DHRS9: variants seen among roughly 807,000 people sequenced by gnomAD.
DHRS9 encodes dehydrogenase/reductase 9, also known as dehydrogenase/reductase SDR family member 9.
Under a neutral mutation model 26.6 loss-of-function variants are expected in DHRS9, and 18 were observed. The observed-to-expected ratio is 0.68, with a 90% CI of 0.47 to 1.00. DHRS9 has a LOEUF of 1.00. Ranked by LOEUF, DHRS9 falls within the 50% of genes least tolerant of loss-of-function variation. The pLI is 0.00. For missense variants in DHRS9, 425 were observed against 378.7 expected (o/e 1.12, Z -1.01); for synonymous variants, 134 against 141.1 (o/e 0.95, Z 0.36).
At chr2:169,091,224 T>TATAAA (rs56686443) in intron 3 of DHRS9, among the ~76,000 whole-genome samples, 2,830 of 121,122 alleles carry the variant, frequency 0.023, 132 homozygotes, top group East Asian at 0.036. Context: ...TGCAGCATGA[T>TATAAA]ATAAAATAAA....
rs1331112299 is a variant in DHRS9, at chr2:169,095,551, C to A, written c.744C>A (p.Asp248Glu). 6.2e-7 allele frequency: 1 copy of A among 1,613,584 alleles called. No individual in the cohort carries two copies. The highest frequency in any genetic ancestry group is 1.7e-4 in the Middle Eastern group (1 of 6,052). ...YGEGYIEKSL[D>E]KLKGNKSYVN... ...ACTTTTGTCTCTTTTTAGGTCTAGA[C>A]AAACTGAAAGGCAATAAATCCTATG... is the stretch of plus-strand genomic sequence containing the variant. The change falls in exon 5 of 5, where the codon GAC becomes GAA. Residue 248 changes from aspartate to glutamate, a missense_variant. By Grantham distance (45) the Asp-to-Glu change is conservative (BLOSUM62 2). Coordinates refer to ENST00000674881, the MANE Select transcript of DHRS9 (RefSeq NM_001376924.1).
At chr2:169,079,671 T>C (rs1368362474) in intron 1 of DHRS9, among the ~76,000 whole-genome samples, 4 of 151,342 alleles carry the variant, frequency 2.6e-5, no homozygotes, top group African/African-American at 9.7e-5. Flanking sequence ...CTGGCCAACA[T>C]GGAGAAACCC....
Position 169,083,574 on chromosome 2 carries a change from A to C in DHRS9, c.559A>C (p.Asn187His), listed in dbSNP as rs1376700530. The part of the protein sequence containing the change: ...TPSKYAVEGF[N>H]DSLRRDMKAF... ...ATCCAAATATGCAGTGGAAGGTTTC[A>C]ATGACAGCTTAAGGTAAATCAAATT... The change falls in exon 3 of 5, where the codon AAT becomes CAT. Residue 187 changes from asparagine (N) to histidine (H), a missense_variant. Transcript: ENST00000674881. 1.2e-6 allele frequency: 2 copies of C among 1,614,028 alleles called. No homozygotes were observed. Among genetic ancestry groups the C allele is most frequent in the Admixed American group, 3.3e-5 (2 of 59,996 alleles).
chr2:169,079,987 A>AG (rs1684122613), intron 1 of DHRS9, among the ~76,000 whole-genome samples: 5 of 39,108 alleles, frequency 1.3e-4, no homozygotes, highest in East Asian at 1.2e-3. Context: ...GAGAGAGAGA[A>AG]AGAAAGAAAG....
intron 1 of DHRS9, among the ~76,000 whole-genome samples, chr2:169,077,446 T>C (rs540298791): frequency 6.6e-6 from 1 of 152,334 alleles, no homozygotes; most frequent in East Asian, 1.9e-4. Context: ...GAAGTAGTAA[T>C]CAGCATTAAT....
intron 4 of DHRS9, among the ~76,000 whole-genome samples, chr2:169,095,342 C>T (rs1465174178): frequency 6.6e-6 from 1 of 152,170 alleles, no homozygotes; most frequent in Middle Eastern, 3.4e-3. Flanking sequence ...TGCTGCCAAC[C>T]CAATCTTGAG....
At chr2:169,086,374 C>A (rs1684350704) in intron 3 of DHRS9, among the ~76,000 whole-genome samples, 1 of 152,106 alleles carries the variant, frequency 6.6e-6, no homozygotes, top group Admixed American at 6.5e-5. Flanking sequence ...TGATAGGATT[C>A]TGAATTCCTT....
intron 4 of DHRS9, among the ~76,000 whole-genome samples, chr2:169,094,623 C>T (rs1684636731): frequency 6.6e-6 from 1 of 151,076 alleles, no homozygotes; most frequent in Admixed American, 6.6e-5. Context: ...ATCAAGTGAT[C>T]TTCCCACCTC....
At chr2:169,073,483 G>A (rs1264820324) in intron 1 of DHRS9, among the ~76,000 whole-genome samples, 1 of 152,190 alleles carries the variant, frequency 6.6e-6, no homozygotes, top group Non-Finnish European at 1.5e-5. Context: ...GAGAATCATA[G>A]ATTTGCTAGG....
Position 169,087,943 on chromosome 2 carries a change from C to T in DHRS9, c.573-3847C>T, listed in dbSNP as rs1202593374. On this transcript the variant is annotated intron_variant, in intron 3 of 4. Coordinates refer to ENST00000674881, the MANE Select transcript of DHRS9 (RefSeq NM_001376924.1). The stretch of plus-strand genomic sequence containing the variant: ...GAGTCTCTCCAAGAGCTGTGGGCTG[C>T]GCGGTCTGGGGCTGGGGGAGGGGTA... 4.6e-5 allele frequency among the ~76,000 whole-genome samples: 7 copies of T among 152,196 alleles called. No homozygotes were observed. The South Asian group carries it at 6.2e-4, about 14-fold the overall frequency.
At chr2:169,081,332 G>A (rs1684174328) in intron 1 of DHRS9, among the ~76,000 whole-genome samples, 191 bp from the exon 2 acceptor site, 1 of 152,074 alleles carries the variant, frequency 6.6e-6, no homozygotes. Flanking sequence ...GTTAGTTTTT[G>A]CATTACTTTA....
At chr2:169,085,148 T>G (rs1437162587) in intron 3 of DHRS9, among the ~76,000 whole-genome samples, 1 of 152,202 alleles carries the variant, frequency 6.6e-6, no homozygotes, top group Non-Finnish European at 1.5e-5. Flanking sequence ...TCATTGTAGA[T>G]GTATGGATTT....
chr2:169,095,839 C>T lies in DHRS9; in HGVS notation c.*72C>T. 7.2e-7 allele frequency: 1 copy of T among 1,381,352 alleles called. No individual in the cohort carries two copies. The highest frequency in any genetic ancestry group is 1.0e-6 in the Non-Finnish European group (1 of 982,218). The allele number at this position is 1,381,352 out of a possible 1,614,324, so 85.6% of individuals were successfully genotyped here. A position where few individuals can be genotyped will look rare whatever the true frequency, so the allele number is the denominator to read the frequency against. On this transcript the variant is annotated 3_prime_UTR_variant, in exon 5 of 5. Coordinates refer to ENST00000674881, the MANE Select transcript of DHRS9 (RefSeq NM_001376924.1). ...TTCAAGAACACATCTCCTTTTCAACCCCATTCCTTATCTGCTCCAACCTGG... is the reference window on the plus strand; with the variant it reads ...TTCAAGAACACATCTCCTTTTCAACTCCATTCCTTATCTGCTCCAACCTGG...
At chr2:169,083,003 A>C (rs1684239252) in intron 2 of DHRS9, among the ~76,000 whole-genome samples, 1 of 152,224 alleles carries the variant, frequency 6.6e-6, no homozygotes, top group African/African-American at 2.4e-5. Flanking sequence ...CATGTTGTGC[A>C]CATGTACCCT....
chr2:169,078,627 A>G (rs12463818), intron 1 of DHRS9, among the ~76,000 whole-genome samples: 5,911 of 152,218 alleles, frequency 0.039, 304 homozygotes, highest in East Asian at 0.15. Context: ...ATCTTGCTAC[A>G]TGGACATTGA....
rs771850788 is a variant in DHRS9 at position 169,081,594 on chromosome 2, G to A, written c.13G>A (p.Val5Met). 5.0e-6 allele frequency: 8 copies of A among 1,613,888 alleles called. No homozygotes were observed. Among genetic ancestry groups the A allele is most frequent in the African/African-American group, 1.3e-5 (1 of 74,876 alleles). The change falls in exon 2 of 5, where the codon GTG becomes ATG. Residue 5 changes from valine (V) to methionine (M), a missense_variant. Val to Met is a conservative substitution (Grantham distance 21). Transcript: ENST00000674881. Reference protein sequence around the residue: MLFWVLGLLILCGFL... With the variant: MLFWMLGLLILCGFL... ...CACAGGGGGAAAAATGCTCTTTTGG[G>A]TGCTAGGCCTCCTAATCCTCTGTGG...
chr2:169,074,327 C>A (rs1683897246), intron 1 of DHRS9: 2 of 985,422 alleles, frequency 2.0e-6, no homozygotes, highest in African/African-American at 3.5e-5. Context: ...GGGATGGAAC[C>A]TCTGCCTGCT....
chr2:169,086,772 G>C (rs968022752), intron 3 of DHRS9, among the ~76,000 whole-genome samples: 33 of 152,144 alleles, frequency 2.2e-4, no homozygotes, highest in Admixed American at 2.2e-3. Context: ...CCACCTTGAT[G>C]GTCTTGGATA....
At chr2:169,091,130 T>C (rs985323860) in intron 3 of DHRS9, among the ~76,000 whole-genome samples, 6 of 152,220 alleles carry the variant, frequency 3.9e-5, no homozygotes, top group African/African-American at 1.2e-4. Flanking sequence ...AACATCTGTA[T>C]ATTGGTTTGC....
Sources: gnomAD v4.1 joint callset for allele counts (sites outside exome capture counted in the v4.1 genomes callset) on GRCh38, gnomAD v4.1.1 for gene constraint, MANE v1.5 for transcripts, NCBI Gene and HGNC (gene_info 2026-07-23, HGNC 2026-07-21) for gene names.